Variants in GARNL3 observed in about 807,000 individuals in gnomAD.
The protein encoded by GARNL3 is GTPase-activating Rap/Ran-GAP domain-like protein 3.
GARNL3 carries 63 observed loss-of-function variants against 125.0 expected under a neutral mutation model. That is an observed-to-expected ratio of 0.50 (90% CI 0.41 to 0.62). GARNL3 has a LOEUF of 0.62. Ranked by LOEUF, GARNL3 falls within the 20% of genes least tolerant of loss-of-function variation. The pLI, the probability that GARNL3 is intolerant of heterozygous loss-of-function variation, is 0.00. For missense variants in GARNL3, 994 were observed against 1,244.0 expected (o/e 0.80, Z 3.02); for synonymous variants, 439 against 457.5 (o/e 0.96, Z 0.52).
At position 127,345,891 on chromosome 9, in the gene GARNL3, G is replaced by A. The variant is rs1381162142; in HGVS notation, c.1431+414G>A. Among the ~76,000 whole-genome samples, 3 of 152,222 alleles carry A rather than the reference G, an allele frequency of 2.0e-5. 1 individual carries two copies. Among genetic ancestry groups the A allele is most frequent in the Admixed American group, 2.0e-4 (3 of 15,288 alleles). On this transcript the variant is annotated intron_variant, in intron 16 of 27. Transcript: ENST00000373387. The stretch of plus-strand genomic sequence containing the variant: ...GCTGACCACAGACATGCTTTAAACA[G>A]CAAGGCTCCTGGGCAGTGCTGCTCA...
Position 127,231,466 on chromosome 9 carries a change from T to C in GARNL3, c.-29+7128T>C, listed in dbSNP as rs146315705. Among the ~76,000 whole-genome samples the C allele has an allele frequency of 3.3e-3, 509 of 152,298 alleles. 1 individual carries two copies. The highest frequency in any genetic ancestry group is 4.2e-3 in the Non-Finnish European group (285 of 68,034). ...ACCAGAGTTATTTTAAAATATTTTCTATTGCTGAGCTGTGTCATTTTGGCT... is the reference window on the plus strand; with the variant it reads ...ACCAGAGTTATTTTAAAATATTTTCCATTGCTGAGCTGTGTCATTTTGGCT... On this transcript the variant is annotated intron_variant, in intron 1 of 10. Coordinates refer to the GARNL3 transcript ENST00000439286.
intron 9 of GARNL3, among the ~76,000 whole-genome samples, chr9:127,334,714 G>A (rs748005584): frequency 2.6e-5 from 4 of 152,156 alleles, no homozygotes; most frequent in African/African-American, 7.2e-5. Flanking sequence ...AGTTAGATAC[G>A]ACTTTTATCC....
chr9:127,300,698 GTCCC>G, intron 2 of GARNL3: 2 of 312,534 alleles, frequency 6.4e-6, no homozygotes, highest in Non-Finnish European at 1.2e-5. Flanking sequence ...CAAGTGATCT[GTCCC>G]CCTCGGCCTC....
At chr9:127,354,271 C>T (rs199987861) in intron 18 of GARNL3, 23 bp from the exon 19 acceptor site, 19 of 1,574,928 alleles carry the variant, frequency 1.2e-5, no homozygotes, top group Non-Finnish European at 1.7e-5. Context: ...TAATCTCCTC[C>T]TCTGTCTTTT....
chr9:127,229,239 A>G (rs372276163), intron 1 of GARNL3, among the ~76,000 whole-genome samples: 95 of 152,246 alleles, frequency 6.2e-4, no homozygotes, highest in African/African-American at 2.2e-3. Context: ...CATTAATCCA[A>G]ATTACCTCAC....
chr9:127,347,234 C>T (rs1830187165), intron 16 of GARNL3, among the ~76,000 whole-genome samples: 1 of 151,972 alleles, frequency 6.6e-6, no homozygotes, highest in South Asian at 2.1e-4. Flanking sequence ...CCCTGGGCAA[C>T]ATGGTGAGAC....
At chr9:127,250,226 G>A (rs781609074) in intron 2 of GARNL3, among the ~76,000 whole-genome samples, 10 of 152,174 alleles carry the variant, frequency 6.6e-5, no homozygotes, top group Non-Finnish European at 1.5e-4. Flanking sequence ...GAGAGGAAAT[G>A]GGGGCTGGGA....
At chr9:127,359,780 T>C (rs1242149881) in intron 21 of GARNL3, among the ~76,000 whole-genome samples, 1 of 152,210 alleles carries the variant, frequency 6.6e-6, no homozygotes, top group Non-Finnish European at 1.5e-5. Flanking sequence ...AAATTTCTTT[T>C]ATATGGTGGT....
Position 127,342,311 on chromosome 9 carries a change from G to T in GARNL3, c.1228G>T (p.Asp410Tyr). The part of the protein sequence containing the change: ...LDMLIRSLHQ[D>Y]LMPDLHKNML... The stretch of plus-strand genomic sequence containing the variant: ...TATGTTGATTAGATCTTTACACCAG[G>T]ATTTGATGCCAGATTTGCATAAGGT... The change falls in exon 14 of 28, where the codon GAT becomes TAT. Residue 410 changes from aspartate (D) to tyrosine (Y), a missense_variant. Coordinates refer to ENST00000373387, the MANE Select transcript of GARNL3 (RefSeq NM_032293.5). 6.2e-7 allele frequency: 1 copy of T among 1,611,166 alleles called. No homozygotes were observed.
At position 127,347,000 on chromosome 9, in the gene GARNL3, A is replaced by G. The variant is rs118062430; in HGVS notation, c.1431+1523A>G. Among the ~76,000 whole-genome samples the G allele has an allele frequency of 4.0e-3, 603 of 152,358 alleles. 13 individuals are homozygous for G. In the East Asian group the frequency reaches 0.046, roughly 12 times the overall value. ...GGCAAACACTGTCTGTCGTCAGACC[A>G]GAGCAACTGTGGGACCAGATCTGAG... is the stretch of plus-strand genomic sequence containing the variant. On this transcript the variant is annotated intron_variant, in intron 16 of 27. Transcript: ENST00000373387.
chr9:127,305,418 C>A (rs1295497436), intron 2 of GARNL3, among the ~76,000 whole-genome samples: 2 of 152,156 alleles, frequency 1.3e-5, no homozygotes, highest in African/African-American at 4.8e-5. Context: ...TGTCTTTACA[C>A]CTCATCAAAT....
rs1447059340 is a variant in GARNL3, at chr9:127,242,952, T to C, written c.-28-127T>C. On this transcript the variant is annotated intron_variant, in intron 1 of 10. Transcript: ENST00000439286. The surrounding 1 kb of genome is among the most constrained non-coding windows in gnomAD (Gnocchi z 4.6). Reference sequence around the variant, plus strand: ...TGGTGGGGCCCCTGGGTCTTGAGGGTGCTTCAGTGTCACCCTCCTCCTTGC... The same window carrying C: ...TGGTGGGGCCCCTGGGTCTTGAGGGCGCTTCAGTGTCACCCTCCTCCTTGC... The C allele has an allele frequency of 8.3e-6, 6 of 721,600 alleles. No homozygotes were observed. Among genetic ancestry groups the C allele is most frequent in the Non-Finnish European group, 1.2e-5 (6 of 509,502 alleles). The allele number at this position is 721,600 out of a possible 1,614,324, so 44.7% of individuals were successfully genotyped here. A position where few individuals can be genotyped will look rare whatever the true frequency, so the allele number is the denominator to read the frequency against.
Position 127,393,336 on chromosome 9 carries a change from A to G in GARNL3, c.*82A>G. 7.4e-7 allele frequency: 1 copy of G among 1,356,854 alleles called. No homozygotes were observed. The highest frequency in any genetic ancestry group is 1.0e-6 in the Non-Finnish European group (1 of 982,156). The allele number at this position is 1,356,854 out of a possible 1,614,324, so 84.1% of individuals were successfully genotyped here. A position where few individuals can be genotyped will look rare whatever the true frequency, so the allele number is the denominator to read the frequency against. On this transcript the variant is annotated 3_prime_UTR_variant, in exon 28 of 28. Coordinates refer to ENST00000373387, the MANE Select transcript of GARNL3 (RefSeq NM_032293.5). ...AACAGTTCTGATGTAATTTCTCAAC[A>G]AAATGTGGCTTTTAGCCTGTCAGTG...
In GARNL3 at chr9:127,311,235, GA is replaced by G. The variant is rs201464858; in HGVS notation, c.220-390del. 2.8e-3 allele frequency among the ~76,000 whole-genome samples: 405 copies of G among 144,908 alleles called. 4 individuals are homozygous for G. Among genetic ancestry groups the G allele is most frequent in the Middle Eastern group, 7.2e-3 (2 of 278 alleles). On this transcript the variant is annotated intron_variant, in intron 2 of 27. Coordinates refer to ENST00000373387, the MANE Select transcript of GARNL3 (RefSeq NM_032293.5). ...AAAAATACGTATGTATATGCATGGG[GA>G]AAAAAAAAAACAGAAAAAACCTACC...
intron 1 of GARNL3, among the ~76,000 whole-genome samples, chr9:127,285,418 G>A (rs146603165): frequency 2.0e-5 from 3 of 152,242 alleles, no homozygotes; most frequent in East Asian, 1.9e-4. Context: ...AGTGAAACTC[G>A]CTTTTCTTTC....
chr9:127,389,955 G>A (rs1490212864), intron 26 of GARNL3, among the ~76,000 whole-genome samples: 2 of 148,902 alleles, frequency 1.3e-5, no homozygotes, highest in Admixed American at 6.7e-5. Flanking sequence ...AAAGATGAGA[G>A]GCCAAATCAG....
At chr9:127,319,223 G>A (rs34341869) in intron 5 of GARNL3, among the ~76,000 whole-genome samples, 16,111 of 152,192 alleles carry the variant, frequency 0.11, 935 homozygotes, top group Non-Finnish European at 0.12. Context: ...AATGGTGCAC[G>A]CCTGTAATCT....
At chr9:127,311,587 T>A in intron 2 of GARNL3, 49 bp from the exon 3 acceptor site, 2 of 1,300,046 alleles carry the variant, frequency 1.5e-6, no homozygotes, top group Non-Finnish European at 2.2e-6. Flanking sequence ...CAGGTTCATG[T>A]TTACTTTCTG....
chr9:127,317,898 C>A (rs1043979007), intron 4 of GARNL3, among the ~76,000 whole-genome samples, 165 bp from the exon 5 acceptor site: 1 of 152,130 alleles, frequency 6.6e-6, no homozygotes, highest in Non-Finnish European at 1.5e-5. Context: ...GCTATCAAAC[C>A]TGAGCAAGAT....
Sources: gnomAD v4.1 joint callset for allele counts (sites outside exome capture counted in the v4.1 genomes callset) on GRCh38, gnomAD v4.1.1 for gene constraint, Gnocchi (gnomAD v3.1) non-coding constraint, MANE v1.5 for transcripts, NCBI Gene and HGNC (gene_info 2026-07-23, HGNC 2026-07-21) for gene names.